The following SCAPER variants were observed in gnomAD, a reference collection of about 807,000 sequenced individuals.
The protein encoded by SCAPER is S phase cyclin A-associated protein in the endoplasmic reticulum.
Under a neutral mutation model 182.2 loss-of-function variants are expected in SCAPER, and 98 were observed. The observed-to-expected ratio is 0.54, with a 90% CI of 0.46 to 0.64. SCAPER has a LOEUF of 0.64. SCAPER is among the 30% of genes least tolerant of loss of function. The pLI is 0.00. For synonymous variants in SCAPER, 605 were observed against 564.6 expected, an observed-to-expected ratio of 1.07 and a Z score of -1.01; for missense variants, 1,432 against 1,690.0, an observed-to-expected ratio of 0.85 and a Z score of 2.68.
intron 20 of SCAPER, among the ~76,000 whole-genome samples, chr15:76,672,266 T>C (rs147309281): frequency 2.0e-4 from 31 of 152,320 alleles, no homozygotes; most frequent in Non-Finnish European, 4.4e-5. Flanking sequence ...TCCTAAAACA[T>C]GTCCTTCTAA....
intron 8 of SCAPER, among the ~76,000 whole-genome samples, chr15:76,784,841 A>C (rs757981803): frequency 6.6e-6 from 1 of 152,232 alleles, no homozygotes; most frequent in Non-Finnish European, 1.5e-5. Flanking sequence ...AGAAAGCTGA[A>C]ACTGGATCTC....
At chr15:76,774,478 A>G (rs1160215931) in intron 9 of SCAPER, 2 of 323,388 alleles carry the variant, frequency 6.2e-6, no homozygotes, top group African/African-American at 2.3e-5. Context: ...TAATACATAG[A>G]TATCAAATTC....
intron 26 of SCAPER, among the ~76,000 whole-genome samples, chr15:76,432,674 T>C (rs759012646): frequency 6.6e-6 from 1 of 152,220 alleles, no homozygotes; most frequent in South Asian, 2.1e-4. Context: ...TGAGTTCAGA[T>C]GCCAAAGTAG....
chr15:76,400,317 T>C (rs911590605), intron 27 of SCAPER, among the ~76,000 whole-genome samples: 1 of 152,206 alleles, frequency 6.6e-6, no homozygotes, highest in Non-Finnish European at 1.5e-5. Flanking sequence ...TAGCTTCTGG[T>C]AGCCAAAATA....
At chr15:76,430,526 AAAG>A (rs769880433) in intron 26 of SCAPER, among the ~76,000 whole-genome samples, 23 of 152,352 alleles carry the variant, frequency 1.5e-4, no homozygotes, top group Non-Finnish European at 2.4e-4. Flanking sequence ...CATGGAGTCA[AAAG>A]AGATCATTTT....
chr15:76,842,013 T>A, intron 4 of SCAPER, 82 bp from the exon 5 acceptor site: 1 of 1,247,964 alleles, frequency 8.0e-7, no homozygotes. Flanking sequence ...TTCAATCAAC[T>A]ACAAATCAAA....
At chr15:76,359,041 T>A (rs1294363717) in intron 29 of SCAPER, among the ~76,000 whole-genome samples, 1 of 152,218 alleles carries the variant, frequency 6.6e-6, no homozygotes, top group Admixed American at 6.5e-5. Flanking sequence ...AGGATTTAGA[T>A]GAGGATCCAA....
intron 27 of SCAPER, among the ~76,000 whole-genome samples, chr15:76,402,739 T>A (rs754964309): frequency 6.6e-6 from 1 of 152,058 alleles, no homozygotes; most frequent in Non-Finnish European, 1.5e-5. Context: ...ATGTTCCATA[T>A]GTAATTGAGA....
intron 4 of SCAPER, among the ~76,000 whole-genome samples, chr15:76,847,713 A>T (rs1390807036): frequency 6.6e-6 from 1 of 152,120 alleles, no homozygotes; most frequent in Non-Finnish European, 1.5e-5. Flanking sequence ...TTGAGCTTAC[A>T]AGTTTGAGAA....
chr15:76,811,137 GAC>G (rs2066585241), intron 5 of SCAPER, among the ~76,000 whole-genome samples: 4 of 110,436 alleles, frequency 3.6e-5, no homozygotes, highest in African/African-American at 1.2e-4. Flanking sequence ...AAAAAAAAAA[GAC>G]AACGAAACAA....
chr15:76,789,650 A>G (rs1282328360), intron 8 of SCAPER, among the ~76,000 whole-genome samples: 2 of 152,262 alleles, frequency 1.3e-5, no homozygotes, highest in Non-Finnish European at 2.9e-5. Context: ...AATTATTCCC[A>G]TAATAAAGAA....
intron 21 of SCAPER, among the ~76,000 whole-genome samples, chr15:76,626,235 C>T (rs1210423380): frequency 6.6e-6 from 1 of 152,050 alleles, no homozygotes; most frequent in Non-Finnish European, 1.5e-5. Flanking sequence ...ACACTAGATG[C>T]CTCTAGTCAA....
At chr15:76,881,740 T>C (rs1409966315) in intron 2 of SCAPER, among the ~76,000 whole-genome samples, 2 of 152,176 alleles carry the variant, frequency 1.3e-5, no homozygotes, top group Non-Finnish European at 2.9e-5. Context: ...TGGGAAATTA[T>C]TGTTTAATGT....
intron 22 of SCAPER, among the ~76,000 whole-genome samples, chr15:76,580,925 A>C (rs1014526699): frequency 6.6e-6 from 1 of 152,154 alleles, no homozygotes; most frequent in African/African-American, 2.4e-5. Flanking sequence ...ACTAAGAAGA[A>C]AAGGACCCAA....
chr15:76,748,953 T>C (rs188100855), intron 15 of SCAPER, among the ~76,000 whole-genome samples: 151 of 152,082 alleles, frequency 9.9e-4, no homozygotes, highest in African/African-American at 3.5e-3. Flanking sequence ...CAATAAATTG[T>C]ATCAATTCTA....
chr15:76,899,229 A>G (rs1301182991), intron 1 of SCAPER, among the ~76,000 whole-genome samples: 1 of 152,082 alleles, frequency 6.6e-6, no homozygotes, highest in African/African-American at 2.4e-5. Context: ...TACTGCCATG[A>G]TCTCAGCTAG....
At chr15:76,695,782 A>C (rs280016) in intron 20 of SCAPER, among the ~76,000 whole-genome samples, 147,732 of 152,140 alleles carry the variant, frequency 0.97, 71,860 homozygotes, top group South Asian at 1. Context: ...AATTAATAAT[A>C]AGCTATATAT....
chr15:76,883,859 AC>A lies in SCAPER; in HGVS notation c.-43del. On this transcript the variant is annotated 5_prime_UTR_variant, in exon 2 of 32. It removes the in-frame stop codon of an upstream open reading frame in the 5' UTR. Coordinates refer to ENST00000563290, the MANE Select transcript of SCAPER (RefSeq NM_020843.4). ...TATGCCAAGATCATTTATCACATAAACCCATGGAGTATGACTCCTACAATAA... is the reference window on the plus strand; with the variant it reads ...TATGCCAAGATCATTTATCACATAAACCATGGAGTATGACTCCTACAATAA... 6.9e-7 allele frequency: 1 copy of A among 1,439,382 alleles called. No individual in the cohort carries two copies. Among genetic ancestry groups the A allele is most frequent in the Non-Finnish European group, 9.5e-7 (1 of 1,055,980 alleles). The allele number at this position is 1,439,382 out of a possible 1,614,324, so 89.2% of individuals were successfully genotyped here.
intron 24 of SCAPER, among the ~76,000 whole-genome samples, chr15:76,494,224 C>G (rs548405744): frequency 6.6e-6 from 1 of 152,316 alleles, no homozygotes; most frequent in Non-Finnish European, 1.5e-5. Context: ...GCTGGCTGAT[C>G]TGAGCCTTAA....
Sources: allele counts gnomAD v4.1 joint callset (sites outside exome capture counted in the v4.1 genomes callset), GRCh38; gene constraint gnomAD v4.1.1; transcripts MANE v1.5; gene names NCBI Gene and HGNC (gene_info 2026-07-23, HGNC 2026-07-21).